The following CCND1 variants were observed in gnomAD, a reference collection of about 807,000 sequenced individuals.
CCND1 encodes G1/S-specific cyclin-D1.
In CCND1, 9 loss-of-function variants were observed where a neutral mutation model predicts 26.1. That is an observed-to-expected ratio of 0.35 (90% CI 0.21 to 0.60). The LOEUF (loss-of-function observed/expected upper bound fraction) is 0.60. CCND1 is among the 20% of genes least tolerant of loss of function. CCND1 has a pLI of 0.79. For synonymous variants in CCND1, 194 were observed against 166.1 expected, an observed-to-expected ratio of 1.17 and a Z score of -1.29; for missense variants, 335 against 392.9, an observed-to-expected ratio of 0.85 and a Z score of 1.25.
chr11:69,643,657 C>T (rs1651232552), intron 2 of CCND1, 175 bp from the exon 3 acceptor site: 3 of 591,288 alleles, frequency 5.1e-6, no homozygotes, highest in Middle Eastern at 4.5e-4. Context: ...CCCCAGCTCC[C>T]TTGAGTCCCC....
chr11:69,649,654 GT>G (rs1855830352), intron 4 of CCND1, among the ~76,000 whole-genome samples: 1 of 152,234 alleles, frequency 6.6e-6, no homozygotes, highest in African/African-American at 2.4e-5. Context: ...GCTTCTGGCT[GT>G]GGGAGAACAG....
intron 3 of CCND1, among the ~76,000 whole-genome samples, chr11:69,644,356 C>T (rs887085228): frequency 6.6e-6 from 1 of 152,224 alleles, no homozygotes; most frequent in Non-Finnish European, 1.5e-5. Flanking sequence ...CCACCTCCAG[C>T]CCTTCTTGTG....
intron 3 of CCND1, among the ~76,000 whole-genome samples, chr11:69,646,299 G>A (rs1489829135): frequency 2.0e-5 from 3 of 152,346 alleles, no homozygotes; most frequent in South Asian, 2.1e-4. Context: ...GGCTCGGCTC[G>A]TTAAGGATTT....
In CCND1 at chr11:69,644,159, T is replaced by A. The variant is rs962106503; in HGVS notation, c.574+168T>A. ...TCTGGTGAGCAGAGGCCCTGGATTG[T>A]TTGTCGCGCTGGATGGAGGGAGATT... On this transcript the variant is annotated intron_variant, in intron 3 of 4. Transcript: ENST00000227507. 4.4e-6 allele frequency: 3 copies of A among 681,918 alleles called. No individual in the cohort carries two copies. In the African/African-American group the frequency reaches 5.4e-5, roughly 12 times the overall value. 42.2% of individuals were successfully genotyped at this position (681,918 alleles called of 1,614,324 possible). A position where few individuals can be genotyped will look rare whatever the true frequency, so the allele number is the denominator to read the frequency against.
At position 69,641,194 on chromosome 11, in the gene CCND1, C is replaced by T. The variant is rs371975839; in HGVS notation, c.-120C>T. 982 of 1,002,300 alleles carry T rather than the reference C, an allele frequency of 9.8e-4. 3 individuals carry two copies. The highest frequency in any genetic ancestry group is 8.8e-3 in the Middle Eastern group (28 of 3,170). The allele number at this position is 1,002,300 out of a possible 1,614,324, so 62.1% of individuals were successfully genotyped here. ...CGCAGTAGCAGCGAGCAGCAGAGTC[C>T]GCACGCTCCGGCGAGGGGCAGAAGA... is the stretch of plus-strand genomic sequence containing the variant. On this transcript the variant is annotated 5_prime_UTR_variant, in exon 1 of 5. Transcript: ENST00000227507.
At chr11:69,649,518 G>T (rs1855828915) in intron 4 of CCND1, among the ~76,000 whole-genome samples, 1 of 152,214 alleles carries the variant, frequency 6.6e-6, no homozygotes, top group African/African-American at 2.4e-5. Context: ...CACAGCAGAG[G>T]CCCCTGCATT....
intron 1 of CCND1, among the ~76,000 whole-genome samples, chr11:69,642,133 G>C (rs3017621): frequency 0.9 from 137,025 of 151,662 alleles, 61,947 homozygotes; most frequent in East Asian, 1. Context: ...TTGGGGGGAC[G>C]CCGCTAGGGA....
chr11:69,643,288 C>T (rs1055190688), intron 2 of CCND1, 42 bp downstream of exon 2: 66 of 1,458,682 alleles, frequency 4.5e-5, no homozygotes, highest in Non-Finnish European at 6.1e-5. Flanking sequence ...CCGCGAGCCG[C>T]ACGCAGGACC....
At chr11:69,648,790 G>A (rs888776655) in intron 4 of CCND1, among the ~76,000 whole-genome samples, 1 of 152,158 alleles carries the variant, frequency 6.6e-6, no homozygotes, top group Non-Finnish European at 1.5e-5. Context: ...GGGAGTGACC[G>A]CCTGACCCCA....
intron 4 of CCND1, among the ~76,000 whole-genome samples, 160 bp from the exon 5 acceptor site, chr11:69,650,958 C>T (rs577041361): frequency 7.9e-5 from 12 of 152,280 alleles, no homozygotes; most frequent in Admixed American, 3.9e-4. Context: ...TCCCACATCT[C>T]GCTCAGGTTC....
Position 69,652,866 on chromosome 11 carries a change from T to C in CCND1, c.*1584T>C, listed in dbSNP as rs1855871727. 3.9e-6 allele frequency: 1 copy of C among 259,644 alleles called. No homozygotes were observed. Among genetic ancestry groups the C allele is most frequent in the Non-Finnish European group, 7.4e-6 (1 of 135,778 alleles). The allele number at this position is 259,644 out of a possible 1,614,324, so 16.1% of individuals were successfully genotyped here. On this transcript the variant is annotated 3_prime_UTR_variant, in exon 5 of 5. Transcript: ENST00000227507. ...TTATTTTTAAAGATAGATCCTTTTA[T>C]AGGTGAGAAAAAAACAATCTGGAAG... is the stretch of plus-strand genomic sequence containing the variant.
In CCND1 at chr11:69,654,043, C is replaced by G; in HGVS notation, c.*2761C>G. ...TGCCGAACCAAAAGAATTTGCACCC[C>G]GCTGCGGGCCCACGTGGTTGGGGCC... On this transcript the variant is annotated 3_prime_UTR_variant, in exon 5 of 5. Transcript: ENST00000227507. This position sits in a 1 kb window ranked among gnomAD's most constrained non-coding sequence, Gnocchi z 6.3. 1.7e-6 allele frequency: 1 copy of G among 601,998 alleles called. No homozygotes were observed. Among genetic ancestry groups the G allele is most frequent in the South Asian group, 2.0e-5 (1 of 50,726 alleles). The allele number at this position is 601,998 out of a possible 1,614,324, so 37.3% of individuals were successfully genotyped here. A position where few individuals can be genotyped will look rare whatever the true frequency, so the allele number is the denominator to read the frequency against.
At chr11:69,643,669 G>A (rs1285842245) in intron 2 of CCND1, 163 bp from the exon 3 acceptor site, 6 of 617,802 alleles carry the variant, frequency 9.7e-6, no homozygotes, top group Non-Finnish European at 1.7e-5. Context: ...TGAGTCCCCA[G>A]CATTCGCCAG....
intron 3 of CCND1, among the ~76,000 whole-genome samples, chr11:69,646,610 G>A (rs887176704): frequency 2.6e-5 from 4 of 152,160 alleles, no homozygotes; most frequent in African/African-American, 9.6e-5. Flanking sequence ...GCCGACGTCC[G>A]GCTCCCAGCC....
intron 3 of CCND1, among the ~76,000 whole-genome samples, chr11:69,646,126 A>G (rs1855775387): frequency 6.6e-6 from 1 of 152,150 alleles, no homozygotes; most frequent in Non-Finnish European, 1.5e-5. Context: ...GTGCCCCTGG[A>G]GACGGGGGGG....
At position 69,653,666 on chromosome 11, in the gene CCND1, C is replaced by T. The variant is rs113288142; in HGVS notation, c.*2384C>T. On this transcript the variant is annotated 3_prime_UTR_variant, in exon 5 of 5. Coordinates refer to ENST00000227507, the MANE Select transcript of CCND1 (RefSeq NM_053056.3). The stretch of plus-strand genomic sequence containing the variant: ...GACCAGGCTGTGTCCCTCTTCTCTT[C>T]CCTGCGCCTGTGATGCTGGGCACTT... 40 of 360,436 alleles carry T rather than the reference C, an allele frequency of 1.1e-4. No homozygotes were observed. The highest frequency in any genetic ancestry group is 7.5e-4 in the Middle Eastern group (1 of 1,330). The allele number at this position is 360,436 out of a possible 1,614,324, so 22.3% of individuals were successfully genotyped here.
At chr11:69,644,198 C>T (rs753178138) in intron 3 of CCND1, 13 of 608,334 alleles carry the variant, frequency 2.1e-5, no homozygotes, top group Non-Finnish European at 3.9e-5. Context: ...TCCCTCACGG[C>T]CACCATGCAG....
At chr11:69,642,977 GC>G (rs1855728702) in intron 1 of CCND1, 53 bp from the exon 2 acceptor site, 1 of 1,377,128 alleles carries the variant, frequency 7.3e-7, no homozygotes, top group East Asian at 2.6e-5. Context: ...GCGGGGGCGT[GC>G]GGGGGGGCGG....
intron 2 of CCND1, chr11:69,643,616 C>T: frequency 4.1e-6 from 2 of 492,516 alleles, no homozygotes; most frequent in South Asian, 3.7e-5. Flanking sequence ...CGGCGGGCGC[C>T]TTTTCTGTTT....
Sources: allele counts gnomAD v4.1 joint callset (sites outside exome capture counted in the v4.1 genomes callset), GRCh38; gene constraint gnomAD v4.1.1; non-coding constraint Gnocchi (gnomAD v3.1); transcripts MANE v1.5; gene names NCBI Gene and HGNC (gene_info 2026-07-23, HGNC 2026-07-21).